GLIS3: variants seen among roughly 807,000 people sequenced by gnomAD.
The protein encoded by GLIS3 is zinc finger protein GLIS3.
GLIS3 carries 53 observed loss-of-function variants against 78.6 expected under a neutral mutation model. The observed-to-expected ratio is 0.67, with a 90% CI of 0.54 to 0.85. The LOEUF (loss-of-function observed/expected upper bound fraction) is 0.85, where lower values mean the gene tolerates loss of function less well. Among genes scored for constraint, GLIS3 ranks in the 40% least tolerant of loss-of-function variants. The pLI, the probability that GLIS3 is intolerant of heterozygous loss-of-function variation, is 0.00. For synonymous variants in GLIS3, 684 were observed against 509.9 expected (o/e 1.34, Z -4.60); for missense variants, 1,703 against 1,231.1 (o/e 1.38, Z -5.74).
At chr9:3,858,043 T>G (rs1819904787) in intron 8 of GLIS3, among the ~76,000 whole-genome samples, 1 of 152,172 alleles carries the variant, frequency 6.6e-6, no homozygotes, top group African/African-American at 2.4e-5. Flanking sequence ...GGATCTGAAT[T>G]GCAAGGCAAC....
chr9:4,234,120 G>A (rs370177865), intron 2 of GLIS3, among the ~76,000 whole-genome samples: 1 of 117,776 alleles, frequency 8.5e-6, no homozygotes, highest in Admixed American at 7.9e-5. Flanking sequence ...AACTTTCTCC[G>A]TATCAGCAAT....
chr9:4,372,554 T>TTA, the GLIS3 span, among the ~76,000 whole-genome samples: 113 of 137,952 alleles, frequency 8.2e-4, no homozygotes, highest in African/African-American at 2.9e-3. Context: ...GACCCTCCAA[T>TTA]AAAAAAAAAA....
At chr9:3,890,832 AT>A (rs1369898095) in intron 7 of GLIS3, among the ~76,000 whole-genome samples, 4 of 152,146 alleles carry the variant, frequency 2.6e-5, no homozygotes, top group African/African-American at 9.7e-5. Context: ...TCAAAACACA[AT>A]TTTGACATTG....
chr9:4,250,244 G>T (rs1824231626), intron 2 of GLIS3, among the ~76,000 whole-genome samples: 1 of 152,130 alleles, frequency 6.6e-6, no homozygotes, highest in South Asian at 2.1e-4. Flanking sequence ...GAATCCATCT[G>T]GTCCTGGGCT....
chr9:4,235,444 T>C (rs571050693), intron 2 of GLIS3, among the ~76,000 whole-genome samples: 5 of 152,336 alleles, frequency 3.3e-5, no homozygotes, highest in African/African-American at 1.2e-4. Context: ...TTTAAGTTTC[T>C]AACGACTTGA....
chr9:3,895,469 A>G (rs1381742850), intron 7 of GLIS3, among the ~76,000 whole-genome samples: 2 of 152,228 alleles, frequency 1.3e-5, no homozygotes, highest in Admixed American at 1.3e-4. Flanking sequence ...TCAGAATAGT[A>G]GACAAGTAAA....
At chr9:4,420,761 G>A in the GLIS3 span, among the ~76,000 whole-genome samples, 2 of 152,078 alleles carry the variant, frequency 1.3e-5, no homozygotes, top group Non-Finnish European at 2.9e-5. Context: ...GAAAAGAGGT[G>A]ATATTACATA....
chr9:4,197,092 T>A (rs76775093), intron 2 of GLIS3, among the ~76,000 whole-genome samples: 49 of 152,066 alleles, frequency 3.2e-4, no homozygotes, highest in Non-Finnish European at 6.2e-4. Flanking sequence ...TCCTAGCCTA[T>A]ATCAGCAGCC....
At chr9:3,890,675 C>T (rs1347797996) in intron 7 of GLIS3, among the ~76,000 whole-genome samples, 1 of 151,956 alleles carries the variant, frequency 6.6e-6, no homozygotes, top group African/African-American at 2.4e-5. Flanking sequence ...ACTGGAGATC[C>T]AGAACTGGAG....
chr9:4,124,226 A>C (rs1218061884), intron 3 of GLIS3, among the ~76,000 whole-genome samples: 1 of 152,214 alleles, frequency 6.6e-6, no homozygotes, highest in Non-Finnish European at 1.5e-5. Context: ...TCAAATAATA[A>C]ATACATAGTC....
chr9:4,159,295 A>G (rs1002004131), intron 2 of GLIS3, among the ~76,000 whole-genome samples: 3 of 152,232 alleles, frequency 2.0e-5, no homozygotes, highest in African/African-American at 7.2e-5. Context: ...CGCATTTTGT[A>G]CAATCTCTGC....
chr9:4,164,212 C>G (rs1835710795), intron 2 of GLIS3, among the ~76,000 whole-genome samples: 1 of 152,184 alleles, frequency 6.6e-6, no homozygotes, highest in South Asian at 2.1e-4. Context: ...AATCCTTGCT[C>G]TTTTCTCTCT....
At chr9:4,458,215 C>G in the GLIS3 span, among the ~76,000 whole-genome samples, 6 of 152,112 alleles carry the variant, frequency 3.9e-5, no homozygotes, top group African/African-American at 1.4e-4. Flanking sequence ...CCTCCCACAG[C>G]TCTAGAAGGT....
chr9:4,445,369 A>G, the GLIS3 span, among the ~76,000 whole-genome samples: 83,822 of 152,124 alleles, frequency 0.55, 23,980 homozygotes, highest in South Asian at 0.72. Context: ...GTTCACGCCT[A>G]TAATCCCAGC....
Position 4,286,304 on chromosome 9 carries a change from G to A in GLIS3, c.122C>T (p.Ser41Leu), listed in dbSNP as rs773807925. Residue 41 changes from serine (S) to leucine (L), a missense_variant, in exon 2 of 11, where the codon TCG becomes TTG. Physicochemically the swap from Ser to Leu is moderately radical, Grantham distance 145 (BLOSUM62 -2). Coordinates refer to ENST00000381971, the MANE Select transcript of GLIS3 (RefSeq NM_001042413.2). ...GGGACTCGATGTGCTGCCACAGGGCGAGGGGCCAGGAGTCCCGGAGTGGGC... is the reference window on the plus strand; with the variant it reads ...GGGACTCGATGTGCTGCCACAGGGCAAGGGGCCAGGAGTCCCGGAGTGGGC... ...IRAHSGTPGP[S>L]PCGSTSSPTM... The A allele has an allele frequency of 3.6e-5, 58 of 1,614,222 alleles. 1 individual carries two copies. The Middle Eastern group carries it at 4.9e-4, about 14-fold the overall frequency.
intron 2 of GLIS3, among the ~76,000 whole-genome samples, chr9:4,170,230 TGAA>T (rs1816255877): frequency 1.3e-5 from 2 of 152,100 alleles, no homozygotes; most frequent in South Asian, 4.1e-4. Context: ...TCAAAGACTG[TGAA>T]GATAGGAATT....
chr9:3,957,124 C>T lies in GLIS3; in HGVS notation c.1711-19935G>A, dbSNP rs1331590968. Among the ~76,000 whole-genome samples, 4 of 152,194 alleles carry T rather than the reference C, an allele frequency of 2.6e-5. No individual in the cohort carries two copies. The East Asian group carries it at 7.7e-4, about 29-fold the overall frequency. Reference sequence around the variant, plus strand: ...AAATCTCAAAGTGGCTCCCTATCTACAGTCTATATCTGTTCTTTCTTTGAA... The same window carrying T: ...AAATCTCAAAGTGGCTCCCTATCTATAGTCTATATCTGTTCTTTCTTTGAA... On this transcript the variant is annotated intron_variant, in intron 4 of 10. Transcript: ENST00000381971.
chr9:4,441,420 GT>G, the GLIS3 span, among the ~76,000 whole-genome samples: 1 of 152,098 alleles, frequency 6.6e-6, no homozygotes, highest in African/African-American at 2.4e-5. Context: ...CCTTCATTTT[GT>G]TAATGAATCA....
At chr9:3,906,610 G>T (rs1040887799) in intron 6 of GLIS3, among the ~76,000 whole-genome samples, 1 of 152,058 alleles carries the variant, frequency 6.6e-6, no homozygotes, top group Non-Finnish European at 1.5e-5. Context: ...GCACACAGAG[G>T]GTGGGTTCAC....
Sources: gnomAD v4.1 joint callset for allele counts (sites outside exome capture counted in the v4.1 genomes callset) on GRCh38, gnomAD v4.1.1 for gene constraint, MANE v1.5 for transcripts, NCBI Gene and HGNC (gene_info 2026-07-23, HGNC 2026-07-21) for gene names.